The following RFX1 variants were observed in gnomAD, a reference collection of about 807,000 sequenced individuals.
RFX1 encodes MHC class II regulatory factor RFX1.
In RFX1, 42 loss-of-function variants were observed where a neutral mutation model predicts 119.6. The ratio of observed to expected loss-of-function variants is 0.35; its 90% CI spans 0.27 to 0.45. The LOEUF is 0.45. Among genes scored for constraint, RFX1 ranks in the 20% least tolerant of loss-of-function variants. RFX1 has a pLI of 1.00. For synonymous variants in RFX1, 628 were observed against 618.5 expected (o/e 1.02, Z -0.23); for missense variants, 1,118 against 1,368.1 (o/e 0.82, Z 2.88).
At position 13,962,416 on chromosome 19, in the gene RFX1, G is replaced by C. The variant is rs567041195; in HGVS notation, c.*279C>G. On this transcript the variant is annotated 3_prime_UTR_variant, in exon 21 of 21. Coordinates refer to ENST00000254325, the MANE Select transcript of RFX1 (RefSeq NM_002918.5). ...GGAGAAGACGCTGGGGCCTGGGAGG[G>C]GGGCGGCCAAGGGGCCGAGCTGGAT... 1.3e-3 allele frequency: 643 copies of C among 481,612 alleles called. 2 individuals are homozygous for C. Among genetic ancestry groups the C allele is most frequent in the Admixed American group, 3.4e-3 (83 of 24,592 alleles). 29.8% of individuals were successfully genotyped at this position (481,612 alleles called of 1,614,324 possible).
chr19:14,003,502 C>G (rs746600913), intron 1 of RFX1, among the ~76,000 whole-genome samples: 1 of 151,982 alleles, frequency 6.6e-6, no homozygotes, highest in African/African-American at 2.4e-5. Context: ...TAAAAGCCAA[C>G]GGTGTATTTC....
Position 13,966,493 on chromosome 19 carries a change from A to C in RFX1, c.1889T>G (p.Leu630Arg), listed in dbSNP as rs1973901814. The C allele has an allele frequency of 2.5e-6, 4 of 1,592,456 alleles. No individual in the cohort carries two copies. Among genetic ancestry groups the C allele is most frequent in the Non-Finnish European group, 3.4e-6 (4 of 1,168,216 alleles). ...VDVMVNLQFTLVETLWKTFWR... is the reference protein window; with the variant it reads ...VDVMVNLQFTRVETLWKTFWR... Reference sequence around the variant, plus strand: ...GAAGGTCTTCCACAGCGTCTCCACCAGGGTGAACTGCAGGTTCACCATGAC... The same window carrying C: ...GAAGGTCTTCCACAGCGTCTCCACCCGGGTGAACTGCAGGTTCACCATGAC... Residue 630 changes from leucine (L) to arginine (R), a missense_variant, in exon 14 of 21, where the codon CTG becomes CGG. Leu to Arg is a moderately radical substitution (Grantham distance 102, BLOSUM62 -2). Transcript: ENST00000254325. This position sits in a 1 kb window ranked among gnomAD's most constrained non-coding sequence, Gnocchi z 6.3.
In RFX1 at chr19:14,006,203, T is replaced by TGGGGG. The variant is rs946127689; in HGVS notation, c.-158_-154dup. ...CGTGCTGGGGTCCCCGGGCCGGGCC[T>TGGGGG]GGGGGGTGGGGGTGGGGGTCGGCCG... On this transcript the variant is annotated 5_prime_UTR_variant, in exon 1 of 21. Coordinates refer to ENST00000254325, the MANE Select transcript of RFX1 (RefSeq NM_002918.5). 1.8e-4 allele frequency: 28 copies of TGGGGG among 151,396 alleles called. No individual in the cohort carries two copies. Among genetic ancestry groups the TGGGGG allele is most frequent in the Admixed American group, 1.4e-3 (21 of 15,250 alleles). 9.4% of individuals were successfully genotyped at this position (151,396 alleles called of 1,614,324 possible). A position where few individuals can be genotyped will look rare whatever the true frequency, so the allele number is the denominator to read the frequency against.
At position 13,994,917 on chromosome 19, in the gene RFX1, T is replaced by C. The variant is rs1027390993; in HGVS notation, c.-52-1022A>G. Among the ~76,000 whole-genome samples, 12 of 93,812 alleles carry C rather than the reference T, an allele frequency of 1.3e-4. 1 individual carries two copies. The highest frequency in any genetic ancestry group is 3.3e-4 in the South Asian group (1 of 3,034). 61.5% of individuals were successfully genotyped at this position (93,812 alleles called of 152,430 possible). ...ACATATATATATATATATATATATA[T>C]ATATATATATATATATATATAATCA... On this transcript the variant is annotated intron_variant, in intron 1 of 20. Coordinates refer to ENST00000254325, the MANE Select transcript of RFX1 (RefSeq NM_002918.5).
At chr19:13,994,554 A>G (rs1202112232) in intron 1 of RFX1, among the ~76,000 whole-genome samples, 1 of 151,876 alleles carries the variant, frequency 6.6e-6, no homozygotes, top group East Asian at 1.9e-4. Flanking sequence ...CGTCTCTACT[A>G]AAAATACAAA....
chr19:13,973,629 T>G (rs1974162389), intron 8 of RFX1, among the ~76,000 whole-genome samples: 1 of 152,012 alleles, frequency 6.6e-6, no homozygotes, highest in African/African-American at 2.4e-5. Context: ...TTTGTTATTT[T>G]ATTTATTTAT....
rs1183509737 is a variant in RFX1, at chr19:13,972,908, A to G, written c.1149T>C (p.Gly383=). 1 of 1,592,700 alleles carries G rather than the reference A, an allele frequency of 6.3e-7. No individual in the cohort carries two copies. The highest frequency in any genetic ancestry group is 1.7e-5 in the Admixed American group (1 of 59,242). ...CGCCGCCGCCGCCACCACCACTGCCACCACCTCCGCTGCTGTTGCTGGCCC... is the reference window on the plus strand; with the variant it reads ...CGCCGCCGCCGCCACCACCACTGCCGCCACCTCCGCTGCTGTTGCTGGCCC... ...GAGASNSSGG[G]GSGGGGGGGG... The change falls in exon 9 of 21, where the codon GGT becomes GGC. Residue 383 remains glycine (G), a synonymous_variant. Transcript: ENST00000254325.
intron 9 of RFX1, among the ~76,000 whole-genome samples, chr19:13,970,451 G>A (rs1347715098): frequency 6.6e-6 from 1 of 151,934 alleles, no homozygotes; most frequent in African/African-American, 2.4e-5. Context: ...AAGGTAGGAG[G>A]ATCACTTGAG....
chr19:13,995,542 G>A (rs542545439), intron 1 of RFX1, among the ~76,000 whole-genome samples: 1 of 152,164 alleles, frequency 6.6e-6, no homozygotes, highest in African/African-American at 2.4e-5. Context: ...TGGCAGCTGC[G>A]GCTGACTTCA....
chr19:14,005,918 G>A (rs1350160104), intron 1 of RFX1, among the ~76,000 whole-genome samples, 185 bp downstream of exon 1: 1 of 151,264 alleles, frequency 6.6e-6, no homozygotes, highest in Non-Finnish European at 1.5e-5. Flanking sequence ...GCCGGGCCGC[G>A]GGGACGGGGG....
intron 8 of RFX1, among the ~76,000 whole-genome samples, chr19:13,973,608 G>A (rs1287818327): frequency 6.6e-6 from 1 of 152,012 alleles, no homozygotes; most frequent in Non-Finnish European, 1.5e-5. Context: ...GTGAGACTCT[G>A]GCTTTTTATT....
At position 13,966,741 on chromosome 19, in the gene RFX1, C is replaced by T. The variant is rs1973915314; in HGVS notation, c.1743G>A (p.Arg581=). 4 of 1,605,998 alleles carry T rather than the reference C, an allele frequency of 2.5e-6. No homozygotes were observed. Among genetic ancestry groups the T allele is most frequent in the Non-Finnish European group, 3.4e-6 (4 of 1,176,892 alleles). ...QQYQQFLDAS[R]SLPDFTELDL... ...CGAGCTCTGTGAAGTCAGGGAGGCT[C>T]CGAGAGGCATCTAGGGGGCCGGGGG... Residue 581 remains arginine, a synonymous_variant, in exon 13 of 21, where the codon CGG becomes CGA. Coordinates refer to ENST00000254325, the MANE Select transcript of RFX1 (RefSeq NM_002918.5). The surrounding 1 kb of genome is among the most constrained non-coding windows in gnomAD (Gnocchi z 6.3).
At chr19:14,001,543 C>T (rs1421191026) in intron 1 of RFX1, among the ~76,000 whole-genome samples, 2 of 152,174 alleles carry the variant, frequency 1.3e-5, no homozygotes, top group Non-Finnish European at 2.9e-5. Flanking sequence ...TTAAGTGATC[C>T]TCATGTCTCA....
rs1192353767 is a variant in RFX1 at position 13,985,998 on chromosome 19, C to A, written c.320-2403G>T. On this transcript the variant is annotated intron_variant, in intron 2 of 20. Transcript: ENST00000254325. This position sits in a 1 kb window ranked among gnomAD's most constrained non-coding sequence, Gnocchi z 4.3. ...CTACCTGTGCAGCCAATTCCACAGGCCCTAATCCCTGTGTTTTGCTGGAAT... is the reference window on the plus strand; with the variant it reads ...CTACCTGTGCAGCCAATTCCACAGGACCTAATCCCTGTGTTTTGCTGGAAT... Among the ~76,000 whole-genome samples, 1 of 152,186 alleles carries A rather than the reference C, an allele frequency of 6.6e-6. No homozygotes were observed. The highest frequency in any genetic ancestry group is 1.5e-5 in the Non-Finnish European group (1 of 68,016).
chr19:13,972,959 G>A lies in RFX1; in HGVS notation c.1098C>T (p.Val366=), dbSNP rs529496814. 18 of 1,599,352 alleles carry A rather than the reference G, an allele frequency of 1.1e-5. No homozygotes were observed. The highest frequency in any genetic ancestry group is 3.3e-5 in the South Asian group (3 of 90,982). Residue 366 remains valine, a synonymous_variant, in exon 9 of 21, where the codon GTC becomes GTT. Coordinates refer to ENST00000254325, the MANE Select transcript of RFX1 (RefSeq NM_002918.5). The part of the protein sequence containing the change: ...MPMYVSGSQV[V]ASSTSTGAGA... ...CAGCCCCAGTGCTGGTGGAGCTGGCGACGACCTGGCTGCCGGACACGTACA... is the reference window on the plus strand; with the variant it reads ...CAGCCCCAGTGCTGGTGGAGCTGGCAACGACCTGGCTGCCGGACACGTACA...
chr19:13,987,048 A>G (rs967862208), intron 2 of RFX1, among the ~76,000 whole-genome samples: 1 of 151,536 alleles, frequency 6.6e-6, no homozygotes, highest in African/African-American at 2.4e-5. Flanking sequence ...TGACAAACAC[A>G]CTCCACTTCT....
chr19:14,002,476 C>T (rs1975249227), intron 1 of RFX1, among the ~76,000 whole-genome samples: 1 of 151,842 alleles, frequency 6.6e-6, no homozygotes, highest in Admixed American at 6.6e-5. Flanking sequence ...CAGAGTAGGA[C>T]TCTGTCTCAA....
Position 13,986,242 on chromosome 19 carries a change from A to AC in RFX1, c.320-2648dup, listed in dbSNP as rs1974590276. Among the ~76,000 whole-genome samples, 1 of 151,556 alleles carries AC rather than the reference A, an allele frequency of 6.6e-6. No homozygotes were observed. The highest frequency in any genetic ancestry group is 1.5e-5 in the Non-Finnish European group (1 of 67,826). On this transcript the variant is annotated intron_variant, in intron 2 of 20. Coordinates refer to ENST00000254325, the MANE Select transcript of RFX1 (RefSeq NM_002918.5). This position sits in a 1 kb window ranked among gnomAD's most constrained non-coding sequence, Gnocchi z 4.2. The stretch of plus-strand genomic sequence containing the variant: ...GCAGGGAGTGGGGGGCTGGCCCCCC[A>AC]CCCTCTCCAGGGCTCAGGGGCTGGT...
At chr19:14,005,951 G>T (rs1382667590) in intron 1 of RFX1, among the ~76,000 whole-genome samples, 152 bp downstream of exon 1, 1 of 150,148 alleles carries the variant, frequency 6.7e-6, no homozygotes, top group Non-Finnish European at 1.5e-5. Context: ...TTCCAGCCGG[G>T]CCCCGGCCCC....
Sources: allele counts gnomAD v4.1 joint callset (sites outside exome capture counted in the v4.1 genomes callset), GRCh38; gene constraint gnomAD v4.1.1; non-coding constraint Gnocchi (gnomAD v3.1); transcripts MANE v1.5; gene names NCBI Gene and HGNC (gene_info 2026-07-23, HGNC 2026-07-21).